PTPN1: variants seen among roughly 807,000 people sequenced by gnomAD.
The protein encoded by PTPN1 is protein tyrosine phosphatase non-receptor type 1, also known as tyrosine-protein phosphatase non-receptor type 1.
In PTPN1, 12 loss-of-function variants were observed where a neutral mutation model predicts 59.9. The ratio of observed to expected loss-of-function variants is 0.20; its 90% confidence interval spans 0.13 to 0.32. PTPN1 has a LOEUF of 0.32. PTPN1 is among the 10% of genes least tolerant of loss of function. The probability of loss-of-function intolerance (pLI) is 1.00; values close to 1 mark genes in which losing one functional copy is unlikely to be tolerated. For synonymous variants in PTPN1, 178 were observed against 203.6 expected (o/e 0.87, Z 1.07); for missense variants, 356 against 549.2 (o/e 0.65, Z 3.52).
At chr20:50,542,885 G>A (rs1289752952) in intron 1 of PTPN1, among the ~76,000 whole-genome samples, 3 of 152,206 alleles carry the variant, frequency 2.0e-5, no homozygotes, top group African/African-American at 4.8e-5. Context: ...CCCAAGGCTT[G>A]TGACTAGAGA....
chr20:50,582,582 T>A lies in PTPN1; in HGVS notation c.1285-110T>A. ...TAAAAAATAAAACCAAAACCCCCTT[T>A]GCTCCCTCGGAGGTTGAAGTTGCCG... On this transcript the variant is annotated intron_variant, in intron 9 of 9. Coordinates refer to ENST00000371621, the MANE Select transcript of PTPN1 (RefSeq NM_002827.4). The surrounding 1 kb of genome is among the most constrained non-coding windows in gnomAD (Gnocchi z 4.2). The A allele has an allele frequency of 5.4e-6, 6 of 1,102,122 alleles. No homozygotes were observed. In the South Asian group the frequency reaches 8.4e-5, roughly 15 times the overall value. The allele number at this position is 1,102,122 out of a possible 1,614,324, so 68.3% of individuals were successfully genotyped here.
At chr20:50,567,435 T>C (rs1416770519) in intron 3 of PTPN1, among the ~76,000 whole-genome samples, 1 of 151,098 alleles carries the variant, frequency 6.6e-6, no homozygotes, top group African/African-American at 2.4e-5. Context: ...TCAAAAAAAA[T>C]TAAAAAAAAA....
intron 1 of PTPN1, among the ~76,000 whole-genome samples, chr20:50,531,640 G>C (rs1286140011): frequency 2.0e-5 from 3 of 152,218 alleles, no homozygotes; most frequent in African/African-American, 7.2e-5. Flanking sequence ...GCCTCCCAAA[G>C]TGCTGGGATT....
chr20:50,533,697 C>CCT (rs1010126201), intron 1 of PTPN1, among the ~76,000 whole-genome samples: 2 of 152,064 alleles, frequency 1.3e-5, no homozygotes, highest in African/African-American at 4.8e-5. Flanking sequence ...CTTGCCCCCC[C>CCT]CCAGAAAGGA....
At chr20:50,577,387 A>C (rs1466942455) in intron 5 of PTPN1, 1 of 152,284 alleles carries the variant, frequency 6.6e-6, no homozygotes, top group Non-Finnish European at 1.5e-5. Flanking sequence ...ACTGGGCCAC[A>C]GGGAAACTCT....
chr20:50,558,449 A>C (rs994454092), intron 1 of PTPN1, among the ~76,000 whole-genome samples: 1 of 152,244 alleles, frequency 6.6e-6, no homozygotes, highest in Non-Finnish European at 1.5e-5. Flanking sequence ...AAGTCTTCAA[A>C]ATCCAATGTG....
At chr20:50,576,582 T>G (rs1237017187) in intron 5 of PTPN1, among the ~76,000 whole-genome samples, 4 of 152,066 alleles carry the variant, frequency 2.6e-5, no homozygotes, top group Admixed American at 2.0e-4. Context: ...AAAATACATT[T>G]TAACGGCCGG....
chr20:50,542,755 C>T (rs1463153309), intron 1 of PTPN1, among the ~76,000 whole-genome samples: 1 of 152,156 alleles, frequency 6.6e-6, no homozygotes, highest in African/African-American at 2.4e-5. Context: ...TCAAAAGCTT[C>T]TCAAAATTGA....
At chr20:50,579,401 T>A in intron 7 of PTPN1, 72 bp downstream of exon 7, 1 of 1,522,768 alleles carries the variant, frequency 6.6e-7, no homozygotes. Flanking sequence ...GGCTGTCAGT[T>A]GTAAAAGTTC....
chr20:50,578,330 G>A (rs1358538003), intron 5 of PTPN1, 90 bp from the exon 6 acceptor site: 2 of 919,146 alleles, frequency 2.2e-6, no homozygotes, highest in African/African-American at 7.0e-5. Flanking sequence ...TAGAGGTAGA[G>A]AGTGGAAGGT....
chr20:50,541,725 T>C (rs2082653644), intron 1 of PTPN1, among the ~76,000 whole-genome samples: 1 of 152,162 alleles, frequency 6.6e-6, no homozygotes. Context: ...TTCTCCACCC[T>C]GGCCCTCATT....
chr20:50,559,511 A>G (rs144020349), intron 1 of PTPN1, among the ~76,000 whole-genome samples: 40 of 152,318 alleles, frequency 2.6e-4, no homozygotes, highest in African/African-American at 8.4e-4. Flanking sequence ...TGGGATTGCA[A>G]TTACTGTGCC....
intron 1 of PTPN1, among the ~76,000 whole-genome samples, chr20:50,519,710 C>T (rs1270464556): frequency 3.3e-5 from 5 of 152,134 alleles, no homozygotes; most frequent in African/African-American, 4.8e-5. Flanking sequence ...CTTGCCTTCA[C>T]GTTAACACAG....
intron 1 of PTPN1, among the ~76,000 whole-genome samples, chr20:50,547,852 G>A (rs1294813689): frequency 6.6e-6 from 1 of 152,140 alleles, no homozygotes; most frequent in Non-Finnish European, 1.5e-5. Flanking sequence ...ATATAAAGTG[G>A]CTTTGCTTTA....
intron 1 of PTPN1, among the ~76,000 whole-genome samples, chr20:50,558,360 A>G (rs891097387): frequency 6.6e-6 from 1 of 152,242 alleles, no homozygotes; most frequent in South Asian, 2.1e-4. Context: ...AACCCAGTTC[A>G]TTCAAAATGT....
Position 50,532,779 on chromosome 20 carries a change from A to G in PTPN1, c.63+22189A>G, listed in dbSNP as rs371861952. 3.9e-5 allele frequency among the ~76,000 whole-genome samples: 6 copies of G among 152,092 alleles called. No individual in the cohort carries two copies. The East Asian group carries it at 5.8e-4, about 15-fold the overall frequency. On this transcript the variant is annotated intron_variant, in intron 1 of 9. Coordinates refer to ENST00000371621, the MANE Select transcript of PTPN1 (RefSeq NM_002827.4). ...GTGTTCATAGATCCCTTTTCCTGCAATCCTGGCACTGGAATTGGTTTTATC... is the reference window on the plus strand; with the variant it reads ...GTGTTCATAGATCCCTTTTCCTGCAGTCCTGGCACTGGAATTGGTTTTATC...
intron 1 of PTPN1, among the ~76,000 whole-genome samples, chr20:50,534,831 T>C (rs966713726): frequency 6.6e-6 from 1 of 152,124 alleles, no homozygotes; most frequent in Non-Finnish European, 1.5e-5. Context: ...GCTCAAATGA[T>C]CCTCCCACGT....
At chr20:50,580,113 C>T (rs1285281209) in intron 8 of PTPN1, among the ~76,000 whole-genome samples, 187 bp downstream of exon 8, 1 of 152,206 alleles carries the variant, frequency 6.6e-6, no homozygotes, top group Non-Finnish European at 1.5e-5. Flanking sequence ...CGGTATTGGG[C>T]ACAGGGTGGC....
intron 1 of PTPN1, among the ~76,000 whole-genome samples, chr20:50,548,821 G>A (rs1369164592): frequency 2.0e-5 from 3 of 152,178 alleles, no homozygotes; most frequent in Non-Finnish European, 2.9e-5. Flanking sequence ...GGGTTCATGC[G>A]ATTCTCTTGC....
Sources: allele counts gnomAD v4.1 joint callset (sites outside exome capture counted in the v4.1 genomes callset), GRCh38; gene constraint gnomAD v4.1.1; non-coding constraint Gnocchi (gnomAD v3.1); transcripts MANE v1.5; gene names NCBI Gene and HGNC (gene_info 2026-07-23, HGNC 2026-07-21).